Variants in SLIT2 observed in about 807,000 individuals in gnomAD.
SLIT2 encodes slit guidance ligand 2, also known as slit homolog 2 protein.
In SLIT2, 41 loss-of-function variants were observed where a neutral mutation model predicts 185.7. That is an observed-to-expected ratio of 0.22 (90% CI 0.17 to 0.29). The LOEUF (loss-of-function observed/expected upper bound fraction) is 0.29. Among genes scored for constraint, SLIT2 ranks in the 10% least tolerant of loss-of-function variants. SLIT2 has a pLI of 1.00. For missense variants in SLIT2, 1,571 were observed against 1,909.0 expected (o/e 0.82, Z 3.30); for synonymous variants, 693 against 680.2 (o/e 1.02, Z -0.29).
At chr4:20,326,966 A>T (rs1451863962) in intron 4 of SLIT2, among the ~76,000 whole-genome samples, 1 of 151,868 alleles carries the variant, frequency 6.6e-6, no homozygotes, top group East Asian at 1.9e-4. Flanking sequence ...GGAAATAACA[A>T]GATAATTATT....
chr4:20,326,285 T>G (rs1239068056), intron 4 of SLIT2, among the ~76,000 whole-genome samples: 2 of 152,088 alleles, frequency 1.3e-5, no homozygotes, highest in Non-Finnish European at 2.9e-5. Context: ...TACTGTGTCT[T>G]GTTTATTGTT....
rs563344232 is a variant in SLIT2, at chr4:20,380,660, A to G, written c.396-87092A>G. On this transcript the variant is annotated intron_variant, in intron 4 of 36. Coordinates refer to ENST00000504154, the MANE Select transcript of SLIT2 (RefSeq NM_004787.4). ...ATACACTGTATGTGAGCAGTAATAG[A>G]TAAACACTTAAGAAGAAAAAGTTAG... Among the ~76,000 whole-genome samples, 5 of 152,178 alleles carry G rather than the reference A, an allele frequency of 3.3e-5. No homozygotes were observed. In the South Asian group the frequency reaches 6.2e-4, roughly 19 times the overall value.
chr4:20,432,363 G>C (rs1414448451), intron 4 of SLIT2, among the ~76,000 whole-genome samples: 3 of 152,136 alleles, frequency 2.0e-5, no homozygotes, highest in Non-Finnish European at 4.4e-5. Context: ...TTACTGCTTA[G>C]TCCACAGTGA....
intron 4 of SLIT2, among the ~76,000 whole-genome samples, chr4:20,435,658 A>G (rs1014928154): frequency 6.6e-6 from 1 of 152,202 alleles, no homozygotes; most frequent in African/African-American, 2.4e-5. Flanking sequence ...TCATATGAAA[A>G]GAACATGAAT....
intron 26 of SLIT2, among the ~76,000 whole-genome samples, chr4:20,559,465 A>G (rs1180867474): frequency 6.6e-6 from 1 of 151,938 alleles, no homozygotes; most frequent in Non-Finnish European, 1.5e-5. Flanking sequence ...GCATTTGTCA[A>G]GCTATTTTGA....
intron 4 of SLIT2, among the ~76,000 whole-genome samples, chr4:20,428,506 A>G (rs1038538250): frequency 3.3e-5 from 5 of 152,166 alleles, no homozygotes; most frequent in African/African-American, 1.2e-4. Context: ...GGGAATTGAT[A>G]CTCAATAGGA....
At chr4:20,283,920 T>G (rs535347439) in intron 4 of SLIT2, among the ~76,000 whole-genome samples, 2 of 152,210 alleles carry the variant, frequency 1.3e-5, no homozygotes, top group South Asian at 4.1e-4. Flanking sequence ...CCCTGATCTA[T>G]TCTTCTCCTT....
chr4:20,328,918 G>A (rs1205379622), intron 4 of SLIT2, among the ~76,000 whole-genome samples: 1 of 152,090 alleles, frequency 6.6e-6, no homozygotes, highest in Non-Finnish European at 1.5e-5. Flanking sequence ...GTGTCTGCAT[G>A]TGGGAGCGTG....
At chr4:20,448,281 A>C (rs564814154) in intron 4 of SLIT2, among the ~76,000 whole-genome samples, 102 of 152,224 alleles carry the variant, frequency 6.7e-4, no homozygotes, top group Non-Finnish European at 1.2e-3. Flanking sequence ...AAAGCATCCC[A>C]AGGTAATATT....
intron 4 of SLIT2, among the ~76,000 whole-genome samples, chr4:20,296,723 A>T (rs1716522466): frequency 6.6e-6 from 1 of 152,218 alleles, no homozygotes; most frequent in South Asian, 2.1e-4. Context: ...ACTCAGTGTG[A>T]TGGAATATCT....
chr4:20,327,530 CTTCTT>C (rs1719696394), intron 4 of SLIT2, among the ~76,000 whole-genome samples: 1 of 151,786 alleles, frequency 6.6e-6, no homozygotes, highest in Non-Finnish European at 1.5e-5. Flanking sequence ...GTTTTTCTTC[CTTCTT>C]TTAATAATTG....
chr4:20,417,189 T>C (rs569506918), intron 4 of SLIT2, among the ~76,000 whole-genome samples: 1 of 152,126 alleles, frequency 6.6e-6, no homozygotes, highest in East Asian at 1.9e-4. Context: ...CAGGGCCTAT[T>C]GCATTTATTG....
chr4:20,551,254 A>G (rs934147097), intron 25 of SLIT2, among the ~76,000 whole-genome samples: 1 of 152,194 alleles, frequency 6.6e-6, no homozygotes, highest in African/African-American at 2.4e-5. Context: ...TCTAAGTCAC[A>G]TCTCAAGTAT....
chr4:20,538,415 G>A (rs200091536), intron 18 of SLIT2, among the ~76,000 whole-genome samples: 1 of 33,880 alleles, frequency 3.0e-5, no homozygotes, highest in African/African-American at 3.2e-4. Context: ...CATAAGGAGA[G>A]CATCATCTTA....
At chr4:20,555,337 G>A (rs1577917921) in intron 26 of SLIT2, among the ~76,000 whole-genome samples, 2 of 152,092 alleles carry the variant, frequency 1.3e-5, no homozygotes, top group Admixed American at 1.3e-4. Context: ...GTGGGTTGCA[G>A]TGTGAGCTCT....
chr4:20,551,932 C>T (rs1233086913), intron 25 of SLIT2, among the ~76,000 whole-genome samples: 1 of 152,118 alleles, frequency 6.6e-6, no homozygotes, highest in African/African-American at 2.4e-5. Context: ...ATTATGTCTG[C>T]ATTTGCCTTA....
chr4:20,421,910 G>T (rs1040269002), intron 4 of SLIT2, among the ~76,000 whole-genome samples: 3 of 152,050 alleles, frequency 2.0e-5, no homozygotes, highest in African/African-American at 4.8e-5. Flanking sequence ...GTTCATTTTT[G>T]TCAGAAAAGT....
At chr4:20,287,288 T>G (rs550889390) in intron 4 of SLIT2, among the ~76,000 whole-genome samples, 1 of 152,130 alleles carries the variant, frequency 6.6e-6, no homozygotes, top group African/African-American at 2.4e-5. Context: ...CCTACCTGAT[T>G]GAACCCAAGA....
intron 4 of SLIT2, among the ~76,000 whole-genome samples, chr4:20,442,771 T>C (rs1729869557): frequency 6.6e-6 from 1 of 152,144 alleles, no homozygotes; most frequent in Non-Finnish European, 1.5e-5. Context: ...CTGGGAGGCC[T>C]TGCTCTATTG....
Sources: allele counts gnomAD v4.1 joint callset (sites outside exome capture counted in the v4.1 genomes callset), GRCh38; gene constraint gnomAD v4.1.1; transcripts MANE v1.5; gene names NCBI Gene and HGNC (gene_info 2026-07-23, HGNC 2026-07-21).